PHLPP1: variants seen among roughly 807,000 people sequenced by gnomAD.
PHLPP1 encodes PH domain leucine-rich repeat-containing protein phosphatase 1.
PHLPP1 carries 42 observed loss-of-function variants against 117.2 expected under a neutral mutation model. That is an observed-to-expected ratio of 0.36 (90% CI 0.28 to 0.46). PHLPP1 has a LOEUF of 0.46. Ranked by LOEUF, PHLPP1 falls within the 20% of genes least tolerant of loss-of-function variation. PHLPP1 has a pLI of 1.00. For missense variants in PHLPP1, 2,084 were observed against 2,241.9 expected (o/e 0.93, Z 1.42); for synonymous variants, 1,042 against 970.7 (o/e 1.07, Z -1.37).
chr18:62,867,706 G>A (rs527915224), intron 4 of PHLPP1, among the ~76,000 whole-genome samples: 1 of 152,144 alleles, frequency 6.6e-6, no homozygotes, highest in Admixed American at 6.5e-5. Context: ...TTTTCCTCAG[G>A]GGGTGTCAGT....
At chr18:62,841,696 G>A (rs1234968689) in intron 3 of PHLPP1, among the ~76,000 whole-genome samples, 2 of 152,078 alleles carry the variant, frequency 1.3e-5, no homozygotes, top group Non-Finnish European at 2.9e-5. Context: ...TTCCTCAAAA[G>A]TGCTGAAATG....
chr18:62,722,492 A>G (rs778085371), intron 1 of PHLPP1, among the ~76,000 whole-genome samples: 1 of 152,136 alleles, frequency 6.6e-6, no homozygotes, highest in Non-Finnish European at 1.5e-5. Context: ...TGGGAAAATG[A>G]AGTCTTTTTT....
At chr18:62,735,157 A>T (rs1479348764) in intron 1 of PHLPP1, among the ~76,000 whole-genome samples, 1 of 150,818 alleles carries the variant, frequency 6.6e-6, no homozygotes, top group African/African-American at 2.4e-5. Context: ...GCATCCTTCC[A>T]CCTCAGCCTC....
Position 62,978,499 on chromosome 18 carries a change from A to C in PHLPP1, c.4222A>C (p.Ser1408Arg), listed in dbSNP as rs774527600. ...AAKKLCTLAQSYGCHDSISAV... is the reference protein window; with the variant it reads ...AAKKLCTLAQRYGCHDSISAV... ...CAAGAAGCTGTGTACCCTGGCCCAG[A>C]GCTACGGCTGCCACGACAGCATCAG... is the stretch of plus-strand genomic sequence containing the variant. The change falls in exon 17 of 17, where the codon AGC becomes CGC. Residue 1408 changes from serine (S) to arginine (R), a missense_variant. Coordinates refer to ENST00000262719, the MANE Select transcript of PHLPP1 (RefSeq NM_194449.4). This position sits in a 1 kb window ranked among gnomAD's most constrained non-coding sequence, Gnocchi z 7.0. The C allele has an allele frequency of 6.2e-7, 1 of 1,608,814 alleles. No individual in the cohort carries two copies. Among genetic ancestry groups the C allele is most frequent in the Non-Finnish European group, 8.5e-7 (1 of 1,177,708 alleles).
chr18:62,924,023 C>A (rs1463979892), intron 10 of PHLPP1, among the ~76,000 whole-genome samples: 1 of 152,112 alleles, frequency 6.6e-6, no homozygotes, highest in Non-Finnish European at 1.5e-5. Flanking sequence ...AAGAAGCTTA[C>A]AATCGAATGA....
At chr18:62,823,064 C>A (rs1303957086) in intron 1 of PHLPP1, among the ~76,000 whole-genome samples, 1 of 152,118 alleles carries the variant, frequency 6.6e-6, no homozygotes, top group Non-Finnish European at 1.5e-5. Flanking sequence ...AGAATTAGAA[C>A]TATAAAATTT....
At chr18:62,966,399 TTA>T (rs143702258) in intron 14 of PHLPP1, among the ~76,000 whole-genome samples, 3,087 of 151,850 alleles carry the variant, frequency 0.02, 94 homozygotes, top group African/African-American at 0.069. Flanking sequence ...TTTTATTAAT[TTA>T]TATATGTAAG....
At chr18:62,774,840 CAA>C (rs1491531158) in intron 1 of PHLPP1, among the ~76,000 whole-genome samples, 1 of 150,730 alleles carries the variant, frequency 6.6e-6, no homozygotes, top group Non-Finnish European at 1.5e-5. Context: ...TGGGAACAAA[CAA>C]AAATACCTCT....
At chr18:62,937,227 A>G (rs1910001898) in intron 10 of PHLPP1, among the ~76,000 whole-genome samples, 1 of 152,264 alleles carries the variant, frequency 6.6e-6, no homozygotes, top group African/African-American at 2.4e-5. Context: ...AGGAGAGCAG[A>G]GCAATTGCTC....
In PHLPP1 at chr18:62,916,605, G is replaced by GGGGTGTGTGTGTGTGTGTGTGT. The variant is rs1555681660; in HGVS notation, c.2804+1598_2804+1599insGGTGTGTGTGTGTGTGTGTGTG. Reference sequence around the variant, plus strand: ...AGCCATCACCATTAACAAGAGGGTGGGTGTGTGTGTGTGTGTGTGTGTGTG... The same window carrying GGGGTGTGTGTGTGTGTGTGTGT: ...AGCCATCACCATTAACAAGAGGGTGGGGGTGTGTGTGTGTGTGTGTGTGTGTGTGTGTGTGTGTGTGTGTGTG... On this transcript the variant is annotated intron_variant, in intron 9 of 16. Coordinates refer to ENST00000262719, the MANE Select transcript of PHLPP1 (RefSeq NM_194449.4). Among the ~76,000 whole-genome samples, 71 of 145,842 alleles carry GGGGTGTGTGTGTGTGTGTGTGT rather than the reference G, an allele frequency of 4.9e-4. 1 individual carries two copies. Among genetic ancestry groups the GGGGTGTGTGTGTGTGTGTGTGT allele is most frequent in the African/African-American group, 6.8e-4 (27 of 39,634 alleles).
At chr18:62,913,504 T>C (rs1349573923) in intron 8 of PHLPP1, among the ~76,000 whole-genome samples, 1 of 152,190 alleles carries the variant, frequency 6.6e-6, no homozygotes, top group Non-Finnish European at 1.5e-5. Flanking sequence ...TGTAATATCT[T>C]ATAATTCTTA....
chr18:62,762,350 A>C (rs1235156948), intron 1 of PHLPP1, among the ~76,000 whole-genome samples: 1 of 150,494 alleles, frequency 6.6e-6, no homozygotes, highest in Non-Finnish European at 1.5e-5. Context: ...AAAAAAAAAA[A>C]ACCTTAAAAG....
chr18:62,891,921 A>G (rs1258448259), intron 4 of PHLPP1, among the ~76,000 whole-genome samples: 1 of 147,678 alleles, frequency 6.8e-6, no homozygotes, highest in Non-Finnish European at 1.5e-5. Flanking sequence ...AAAGAAAGAA[A>G]TATTTTAATG....
intron 12 of PHLPP1, among the ~76,000 whole-genome samples, chr18:62,954,617 T>C (rs1299352492): frequency 2.6e-5 from 4 of 152,170 alleles, no homozygotes; most frequent in African/African-American, 9.7e-5. Flanking sequence ...TTTTTCAACT[T>C]TCTATAATTT....
intron 3 of PHLPP1, among the ~76,000 whole-genome samples, chr18:62,856,671 C>T (rs1248841915): frequency 6.6e-6 from 1 of 152,114 alleles, no homozygotes; most frequent in African/African-American, 2.4e-5. Context: ...TGGGCTCAAA[C>T]AGTCCTCCCA....
intron 8 of PHLPP1, among the ~76,000 whole-genome samples, chr18:62,914,391 T>C (rs1389418440): frequency 6.6e-6 from 1 of 152,188 alleles, no homozygotes; most frequent in Non-Finnish European, 1.5e-5. Context: ...TTTTAGACTT[T>C]AGAGATGATA....
chr18:62,819,530 A>G (rs1265914643), intron 1 of PHLPP1, among the ~76,000 whole-genome samples: 2 of 152,242 alleles, frequency 1.3e-5, no homozygotes, highest in African/African-American at 2.4e-5. Flanking sequence ...AAACACATCT[A>G]TATTTACATT....
intron 3 of PHLPP1, among the ~76,000 whole-genome samples, chr18:62,846,089 A>C (rs1915172680): frequency 6.6e-6 from 1 of 151,864 alleles, no homozygotes; most frequent in Non-Finnish European, 1.5e-5. Flanking sequence ...GGTGCCTGTA[A>C]TCCCAGCTAC....
At chr18:62,748,676 T>C (rs987966150) in intron 1 of PHLPP1, among the ~76,000 whole-genome samples, 1 of 152,234 alleles carries the variant, frequency 6.6e-6, no homozygotes, top group Non-Finnish European at 1.5e-5. Context: ...ATAGCTTTTT[T>C]GGGTTACTGT....
Sources: gnomAD v4.1 joint callset for allele counts (sites outside exome capture counted in the v4.1 genomes callset) on GRCh38, gnomAD v4.1.1 for gene constraint, Gnocchi (gnomAD v3.1) non-coding constraint, MANE v1.5 for transcripts, NCBI Gene and HGNC (gene_info 2026-07-23, HGNC 2026-07-21) for gene names.